The following AHRR variants were observed in gnomAD, a reference collection of about 807,000 sequenced individuals.
AHRR encodes aryl hydrocarbon receptor repressor, also known as ahR repressor.
In AHRR, 28 loss-of-function variants were observed where a neutral mutation model predicts 44.0. That is an observed-to-expected ratio of 0.64 (90% CI 0.47 to 0.87). The LOEUF (loss-of-function observed/expected upper bound fraction) is 0.87, where lower values mean the gene tolerates loss of function less well. Among genes scored for constraint, AHRR ranks in the 40% least tolerant of loss-of-function variants. The pLI is 0.00. For missense variants in AHRR, 990 were observed against 953.9 expected (o/e 1.04, Z -0.50); for synonymous variants, 434 against 407.0 (o/e 1.07, Z -0.80).
intron 4 of AHRR, among the ~76,000 whole-genome samples, chr5:378,788 G>C (rs191130781): frequency 6.6e-6 from 1 of 152,306 alleles, no homozygotes; most frequent in Admixed American, 6.5e-5. Context: ...GGGCTACAGG[G>C]CTGTTGGGTT....
chr5:389,628 G>A (rs987468218), intron 4 of AHRR, among the ~76,000 whole-genome samples: 2 of 152,092 alleles, frequency 1.3e-5, no homozygotes, highest in African/African-American at 4.8e-5. Context: ...CACCGAGCCC[G>A]GGCCCTTCCC....
Position 343,890 on chromosome 5 carries a change from C to G in AHRR, c.-10-3C>G. The G allele has an allele frequency of 1.3e-6, 2 of 1,598,158 alleles. No individual in the cohort carries two copies. Among genetic ancestry groups the G allele is most frequent in the Non-Finnish European group, 1.7e-6 (2 of 1,173,498 alleles). On this transcript the variant is annotated splice_region_variant and splice_polypyrimidine_tract_variant and intron_variant, in intron 1 of 10. Coordinates refer to ENST00000684583, the MANE Select transcript of AHRR (RefSeq NM_001377236.1). ...GGTGACCGGGTGCCCCCTTGTCTTC[C>G]AGGCCGAGGACGATGATCCCGCCGG... is the stretch of plus-strand genomic sequence containing the variant.
rs537729735 is a variant in AHRR, at chr5:419,892, G to A, written c.442-2837G>A. Among the ~76,000 whole-genome samples the A allele has an allele frequency of 1.5e-3, 225 of 152,320 alleles. 2 individuals are homozygous for A. Among genetic ancestry groups the A allele is most frequent in the African/African-American group, 5.2e-3 (217 of 41,564 alleles). On this transcript the variant is annotated intron_variant, in intron 5 of 10. Transcript: ENST00000684583. The surrounding 1 kb of genome is among the most constrained non-coding windows in gnomAD (Gnocchi z 4.4). ...TGTGTTATGTGTGCCAGGGTGTAAA[G>A]TGGATTTTAAGATGTGGAATTGGGA...
rs2126546408 is a variant in AHRR at position 430,456 on chromosome 5, C to G, written c.909-2007C>G. ...GGATACGGCCGAGGGCCCTTTCGCCCCAGGGGACCTGCAAAGGAGGACCTT... is the reference window on the plus strand; with the variant it reads ...GGATACGGCCGAGGGCCCTTTCGCCGCAGGGGACCTGCAAAGGAGGACCTT... On this transcript the variant is annotated intron_variant, in intron 8 of 10. Transcript: ENST00000684583. 2.0e-5 allele frequency among the ~76,000 whole-genome samples: 3 copies of G among 152,364 alleles called. No individual in the cohort carries two copies. In the South Asian group the frequency reaches 6.2e-4, roughly 32 times the overall value.
At chr5:336,889 T>G (rs539285492) in intron 1 of AHRR, among the ~76,000 whole-genome samples, 1 of 152,308 alleles carries the variant, frequency 6.6e-6, no homozygotes, top group Admixed American at 6.5e-5. Flanking sequence ...GCTTTGTTTT[T>G]TTTTCCTCTT....
At chr5:346,363 A>G (rs1181601299) in intron 2 of AHRR, among the ~76,000 whole-genome samples, 1 of 152,190 alleles carries the variant, frequency 6.6e-6, no homozygotes, top group Non-Finnish European at 1.5e-5. Flanking sequence ...ACACCAATAC[A>G]TAAAACGCAA....
chr5:367,881 GAGGC>G, intron 3 of AHRR: 1 of 702,580 alleles, frequency 1.4e-6, no homozygotes, highest in South Asian at 1.5e-5. Context: ...TGTCGTTCAG[GAGGC>G]CCCGAGCATT....
At chr5:354,509 G>A (rs964797214) in intron 3 of AHRR, among the ~76,000 whole-genome samples, 16 of 152,222 alleles carry the variant, frequency 1.1e-4, no homozygotes, top group African/African-American at 3.6e-4. Flanking sequence ...CCAGGCCTGT[G>A]CCCTGTCTGT....
At position 353,866 on chromosome 5, in the gene AHRR, C is replaced by T. The variant is rs1742949247; in HGVS notation, c.199C>T (p.Leu67=). The T allele has an allele frequency of 4.3e-6, 7 of 1,614,124 alleles. No homozygotes were observed. In the Middle Eastern group the frequency reaches 5.0e-4, roughly 114 times the overall value. Residue 67 remains leucine (L), a synonymous_variant, in exon 3 of 11, where the codon CTG becomes TTG. Coordinates refer to ENST00000684583, the MANE Select transcript of AHRR (RefSeq NM_001377236.1). ...CTCCAAGCTGGACAAGCTTTCTGTC[C>T]TGCGCCTCAGTGTCAGTTACCTCCG... ...IISKLDKLSV[L]RLSVSYLRVK...
chr5:421,900 G>C (rs1443008364), intron 5 of AHRR, among the ~76,000 whole-genome samples: 1 of 152,198 alleles, frequency 6.6e-6, no homozygotes, highest in African/African-American at 2.4e-5. Flanking sequence ...CAGTTAGGAA[G>C]AACCACTTGG....
At chr5:352,898 G>T (rs1742906667) in intron 2 of AHRR, among the ~76,000 whole-genome samples, 1 of 151,486 alleles carries the variant, frequency 6.6e-6, no homozygotes, top group African/African-American at 2.4e-5. Flanking sequence ...GGTTAAATGG[G>T]TCAGCCGTAG....
At chr5:432,359 C>T (rs372171684) in intron 8 of AHRR, 104 bp from the exon 9 acceptor site, 67 of 1,115,898 alleles carry the variant, frequency 6.0e-5, no homozygotes, top group Middle Eastern at 1.9e-4. Flanking sequence ...TCAGGTGTGA[C>T]AGCAATACCT....
At position 387,599 on chromosome 5, in the gene AHRR, C is replaced by G. The variant is rs868175216; in HGVS notation, c.351+10883C>G. 2.6e-5 allele frequency among the ~76,000 whole-genome samples: 4 copies of G among 152,382 alleles called. No homozygotes were observed. The South Asian group carries it at 6.2e-4, about 24-fold the overall frequency. On this transcript the variant is annotated intron_variant, in intron 4 of 10. Transcript: ENST00000684583. This position sits in a 1 kb window ranked among gnomAD's most constrained non-coding sequence, Gnocchi z 5.1. ...ACCCTGTCTGCTGAGGGATGAGGCA[C>G]TGTTGGAGGTCCTGGGACAGGGGCC...
chr5:371,982 C>T (rs957380685), intron 3 of AHRR, among the ~76,000 whole-genome samples: 5 of 152,204 alleles, frequency 3.3e-5, no homozygotes, highest in African/African-American at 9.7e-5. Flanking sequence ...ACTCAGGCCC[C>T]GCCGAGGGCT....
chr5:402,338 C>T (rs533792823), intron 4 of AHRR, among the ~76,000 whole-genome samples: 20 of 150,470 alleles, frequency 1.3e-4, no homozygotes, highest in African/African-American at 2.7e-4. Context: ...GCACTGTTGG[C>T]GGGAAGGCAG....
Position 434,908 on chromosome 5 carries a change from C to G in AHRR, c.*74C>G. 6.8e-7 allele frequency: 1 copy of G among 1,480,694 alleles called. No homozygotes were observed. Among genetic ancestry groups the G allele is most frequent in the East Asian group, 2.5e-5 (1 of 40,324 alleles). The allele number at this position is 1,480,694 out of a possible 1,614,324, so 91.7% of individuals were successfully genotyped here. On this transcript the variant is annotated 3_prime_UTR_variant, in exon 11 of 11. Transcript: ENST00000684583. ...CGTCGGTGGCTGGGCTGCCCTGCTCCTGGTCAGGCCGGAGCCCGTCCTAAG... is the reference window on the plus strand; with the variant it reads ...CGTCGGTGGCTGGGCTGCCCTGCTCGTGGTCAGGCCGGAGCCCGTCCTAAG...
intron 3 of AHRR, among the ~76,000 whole-genome samples, chr5:369,674 A>G (rs979069193): frequency 1.3e-5 from 2 of 152,038 alleles, no homozygotes; most frequent in African/African-American, 4.8e-5. Flanking sequence ...CTTCCTCTAA[A>G]CCTTTCCTGT....
At chr5:382,844 A>G (rs193036989) in intron 4 of AHRR, among the ~76,000 whole-genome samples, 1 of 151,148 alleles carries the variant, frequency 6.6e-6, no homozygotes, top group African/African-American at 2.4e-5. Context: ...GATACTTAAG[A>G]TGGAAGTTTA....
At chr5:363,603 C>T (rs745464163) in intron 3 of AHRR, among the ~76,000 whole-genome samples, 12 of 152,142 alleles carry the variant, frequency 7.9e-5, no homozygotes, top group South Asian at 2.1e-4. Context: ...AGCCTAGTTG[C>T]CTACTGGGAG....
Sources: allele counts gnomAD v4.1 joint callset (sites outside exome capture counted in the v4.1 genomes callset), GRCh38; gene constraint gnomAD v4.1.1; non-coding constraint Gnocchi (gnomAD v3.1); transcripts MANE v1.5; gene names NCBI Gene and HGNC (gene_info 2026-07-23, HGNC 2026-07-21).